Variants in EVC2 observed in about 807,000 individuals in gnomAD.
The protein encoded by EVC2 is limbin.
A neutral mutation model predicts 149.3 loss-of-function variants in EVC2; 148 were observed. The ratio of observed to expected loss-of-function variants is 0.99; its 90% CI spans 0.87 to 1.14. The LOEUF (loss-of-function observed/expected upper bound fraction) is 1.14, where lower values mean the gene tolerates loss of function less well. Among genes scored for constraint, EVC2 ranks in the 50% most tolerant of loss-of-function variants. EVC2 has a pLI of 0.00. For synonymous variants in EVC2, 776 were observed against 649.9 expected (o/e 1.19, Z -2.95); for missense variants, 1,854 against 1,627.3 (o/e 1.14, Z -2.40).
intron 9 of EVC2, among the ~76,000 whole-genome samples, chr4:5,643,887 T>C (rs964512404): frequency 1.3e-5 from 2 of 152,174 alleles, no homozygotes; most frequent in African/African-American, 4.8e-5. Context: ...AGGGCGAGAC[T>C]GTCTCAAAAT....
rs566764373 is a variant in EVC2, at chr4:5,584,893, G to A, written c.2830-43C>T. On this transcript the variant is annotated intron_variant, in intron 16 of 21. Transcript: ENST00000344408. ...TGGACCCAAACCCAGAGAGCAGTGA[G>A]TAGAGGAGGGTGGAGGAGAACAAAC... 200 of 1,600,290 alleles carry A rather than the reference G, an allele frequency of 1.2e-4. 4 individuals are homozygous for A. In the South Asian group the frequency reaches 2.1e-3, roughly 16 times the overall value.
intron 16 of EVC2, among the ~76,000 whole-genome samples, chr4:5,603,524 C>T (rs995672900): frequency 6.6e-6 from 1 of 152,198 alleles, no homozygotes; most frequent in African/African-American, 2.4e-5. Flanking sequence ...ACTCTAGTCC[C>T]TTCTGAAGTC....
chr4:5,616,922 A>G (rs1421320414), intron 15 of EVC2, among the ~76,000 whole-genome samples: 1 of 152,238 alleles, frequency 6.6e-6, no homozygotes, highest in Admixed American at 6.5e-5. Flanking sequence ...GGGACTCACC[A>G]GCTTCAAGGC....
In EVC2 at chr4:5,569,199, A is replaced by C. The variant is rs1722500837; in HGVS notation, c.3361-559T>G. Among the ~76,000 whole-genome samples, 1 of 152,166 alleles carries C rather than the reference A, an allele frequency of 6.6e-6. No individual in the cohort carries two copies. The highest frequency in any genetic ancestry group is 1.5e-5 in the Non-Finnish European group (1 of 68,024). On this transcript the variant is annotated intron_variant, in intron 19 of 21. Transcript: ENST00000344408. This position sits in a 1 kb window ranked among gnomAD's most constrained non-coding sequence, Gnocchi z 4.8. ...CATGTAACCACCTGGGCGTGATGAG[A>C]CTTGGAACTGGAGAGCGGCAGTGGA...
intron 16 of EVC2, among the ~76,000 whole-genome samples, chr4:5,600,055 G>A (rs905195378): frequency 8.5e-5 from 13 of 152,278 alleles, no homozygotes; most frequent in Middle Eastern, 3.4e-3. Context: ...CCAAAGAAAT[G>A]AGGGGCATCC....
At chr4:5,584,360 T>C (rs1712078429) in intron 17 of EVC2, among the ~76,000 whole-genome samples, 1 of 152,160 alleles carries the variant, frequency 6.6e-6, no homozygotes, top group Admixed American at 6.5e-5. Context: ...AAAGAAACAA[T>C]ACTGCCAATG....
chr4:5,588,494 TTC>T (rs1202737840), intron 16 of EVC2, among the ~76,000 whole-genome samples: 1 of 152,196 alleles, frequency 6.6e-6, no homozygotes, highest in African/African-American at 2.4e-5. Context: ...ATCCTTCTTT[TTC>T]TCTCTCCTCT....
chr4:5,689,477 G>T, intron 4 of EVC2, 134 bp from the exon 5 acceptor site: 4 of 829,742 alleles, frequency 4.8e-6, no homozygotes, highest in Non-Finnish European at 6.0e-6. Flanking sequence ...GAGGGCCTGG[G>T]AATTTATCAG....
At chr4:5,623,133 T>C (rs1715846229) in intron 13 of EVC2, 142 bp from the exon 14 acceptor site, 1 of 855,168 alleles carries the variant, frequency 1.2e-6, no homozygotes, top group Admixed American at 2.8e-5. Context: ...TTCTGGTTTT[T>C]TGTTTGCTTG....
chr4:5,596,258 G>A (rs1305457888), intron 16 of EVC2, among the ~76,000 whole-genome samples: 1 of 152,168 alleles, frequency 6.6e-6, no homozygotes, highest in Non-Finnish European at 1.5e-5. Flanking sequence ...CAAATCAACA[G>A]AATATACATT....
At chr4:5,658,331 T>G (rs1014893722) in intron 9 of EVC2, among the ~76,000 whole-genome samples, 2 of 152,196 alleles carry the variant, frequency 1.3e-5, no homozygotes, top group Non-Finnish European at 2.9e-5. Context: ...TTGTTTAACT[T>G]CCCTGGGCTT....
intron 16 of EVC2, among the ~76,000 whole-genome samples, chr4:5,596,223 C>T (rs4697882): frequency 0.33 from 49,811 of 152,014 alleles, 9,196 homozygotes; most frequent in South Asian, 0.45. Context: ...GCGGACCTAA[C>T]AGACATCTAC....
intron 16 of EVC2, among the ~76,000 whole-genome samples, chr4:5,595,310 G>C (rs1398442338): frequency 3.3e-5 from 5 of 152,280 alleles, no homozygotes; most frequent in East Asian, 1.9e-4. Flanking sequence ...GTTAAGGGCA[G>C]CCAGAGAGAA....
At chr4:5,660,944 A>T (rs879727717) in intron 9 of EVC2, among the ~76,000 whole-genome samples, 1 of 152,236 alleles carries the variant, frequency 6.6e-6, no homozygotes, top group African/African-American at 2.4e-5. Context: ...CATACCAAAA[A>T]GCAGTACCAA....
intron 20 of EVC2, 48 bp from the exon 21 acceptor site, chr4:5,565,407 C>A (rs891440253): frequency 4.5e-6 from 7 of 1,568,624 alleles, no homozygotes; most frequent in Non-Finnish European, 5.3e-6. Context: ...CGCCTGTAAT[C>A]CCACTGTAAT....
intron 11 of EVC2, among the ~76,000 whole-genome samples, chr4:5,630,675 G>A (rs1024286518): frequency 6.6e-6 from 1 of 152,110 alleles, no homozygotes; most frequent in African/African-American, 2.4e-5. Context: ...TTACTGCACT[G>A]AGGAACAAAT....
Position 5,625,980 on chromosome 4 carries a change from G to A in EVC2, c.1887-72C>T, listed in dbSNP as rs1304857785. The A allele has an allele frequency of 6.4e-7, 1 of 1,569,238 alleles. No individual in the cohort carries two copies. The highest frequency in any genetic ancestry group is 8.7e-7 in the Non-Finnish European group (1 of 1,143,884). The stretch of plus-strand genomic sequence containing the variant: ...CTGTAGCTTAACTGCTATTGTGCCT[G>A]AACATTCATCTCCATATTAGTTTGG... On this transcript the variant is annotated intron_variant, in intron 12 of 21. Coordinates refer to ENST00000344408, the MANE Select transcript of EVC2 (RefSeq NM_147127.5). This position sits in a 1 kb window ranked among gnomAD's most constrained non-coding sequence, Gnocchi z 4.0.
rs750108569 is a variant in EVC2, at chr4:5,576,378, G to A, written c.3134C>T (p.Ala1045Val). ...QEAAQQQQAL[A>V]SWQQWVADGP... ...ATCGGCCACCCACTGCTGCCAGCTC[G>A]CCAGGGCCTGCTGCTGCTGGGCTGC... The change falls in exon 18 of 22, where the codon GCG becomes GTG. Residue 1045 changes from alanine to valine, a missense_variant. By Grantham distance (64) the Ala-to-Val change is moderately conservative. Transcript: ENST00000344408. The surrounding 1 kb of genome is among the most constrained non-coding windows in gnomAD (Gnocchi z 4.5). The A allele has an allele frequency of 1.1e-5, 17 of 1,613,842 alleles. No homozygotes were observed. The highest frequency in any genetic ancestry group is 4.0e-5 in the African/African-American group (3 of 74,916).
downstream of EVC2, among the ~76,000 whole-genome samples, chr4:5,559,580 C>A (rs865826706): frequency 6.6e-6 from 1 of 152,228 alleles, no homozygotes; most frequent in Middle Eastern, 3.4e-3. This position sits in a 1 kb window ranked among gnomAD's most constrained non-coding sequence, Gnocchi z 5.0. Context: ...ATAATGCTCA[C>A]CTTTTAGACC....
Sources: gnomAD v4.1 joint callset for allele counts (sites outside exome capture counted in the v4.1 genomes callset) on GRCh38, gnomAD v4.1.1 for gene constraint, Gnocchi (gnomAD v3.1) non-coding constraint, MANE v1.5 for transcripts, NCBI Gene and HGNC (gene_info 2026-07-23, HGNC 2026-07-21) for gene names.